Variants in PDE4B observed in about 807,000 individuals in gnomAD.
PDE4B encodes phosphodiesterase 4B, also known as 3',5'-cyclic-AMP phosphodiesterase 4B.
In PDE4B, 20 loss-of-function variants were observed where a neutral mutation model predicts 82.2. That is an observed-to-expected ratio of 0.24 (90% CI 0.17 to 0.35). The LOEUF (loss-of-function observed/expected upper bound fraction) is 0.35, where lower values mean the gene tolerates loss of function less well. Ranked by LOEUF, PDE4B falls within the 10% of genes least tolerant of loss-of-function variation. The pLI, the probability that PDE4B is intolerant of heterozygous loss-of-function variation, is 1.00. For synonymous variants in PDE4B, 320 were observed against 318.9 expected (o/e 1.00, Z -0.04); for missense variants, 655 against 907.2 (o/e 0.72, Z 3.57).
intron 3 of PDE4B, among the ~76,000 whole-genome samples, chr1:66,168,244 G>A (rs1277280871): frequency 1.3e-5 from 2 of 152,022 alleles, no homozygotes; most frequent in Admixed American, 6.6e-5. Context: ...ATAAAGCAGT[G>A]AAAAAATACA....
At chr1:66,369,181 C>G (rs1210961049) in intron 16 of PDE4B, among the ~76,000 whole-genome samples, 1 of 152,186 alleles carries the variant, frequency 6.6e-6, no homozygotes, top group Non-Finnish European at 1.5e-5. Context: ...AGAAACCCAT[C>G]AAAATTTGGA....
At chr1:65,879,386 CTAAG>C (rs1476977010) in intron 1 of PDE4B, among the ~76,000 whole-genome samples, 5 of 151,796 alleles carry the variant, frequency 3.3e-5, no homozygotes, top group African/African-American at 1.2e-4. Flanking sequence ...TAAGCTCCTG[CTAAG>C]TAATTGTGAC....
intron 3 of PDE4B, among the ~76,000 whole-genome samples, chr1:66,105,295 C>A (rs1645324099): frequency 6.6e-6 from 1 of 150,970 alleles, no homozygotes; most frequent in Admixed American, 6.6e-5. Flanking sequence ...TTCCATTGAT[C>A]TATATCTCTG....
chr1:66,208,209 G>A (rs1486517664), intron 3 of PDE4B, among the ~76,000 whole-genome samples: 1 of 151,846 alleles, frequency 6.6e-6, no homozygotes, highest in Non-Finnish European at 1.5e-5. Flanking sequence ...TCTTATAATT[G>A]TACCTTCTTG....
intron 3 of PDE4B, among the ~76,000 whole-genome samples, chr1:65,989,902 T>TTC (rs961173204): frequency 6.6e-6 from 1 of 151,918 alleles, no homozygotes; most frequent in Non-Finnish European, 1.5e-5. Flanking sequence ...CATTTTTTTT[T>TTC]TTTTGGCAGT....
chr1:66,104,890 G>A (rs1372640296), intron 3 of PDE4B, among the ~76,000 whole-genome samples: 1 of 144,688 alleles, frequency 6.9e-6, no homozygotes, highest in Non-Finnish European at 1.5e-5. Flanking sequence ...TTTGTAGGTT[G>A]CCTGTTCACT....
chr1:66,231,995 T>C (rs529838538), intron 3 of PDE4B, among the ~76,000 whole-genome samples: 8 of 152,312 alleles, frequency 5.3e-5, no homozygotes, highest in Admixed American at 2.6e-4. Context: ...GGGAATGAAA[T>C]TGGGGACTGT....
At chr1:65,928,308 G>A (rs555489607) in intron 3 of PDE4B, among the ~76,000 whole-genome samples, 9 of 152,194 alleles carry the variant, frequency 5.9e-5, no homozygotes, top group Admixed American at 2.6e-4. Flanking sequence ...TTGTCCATTC[G>A]ACCTAGAAGT....
At chr1:65,838,206 G>A (rs1646163555) in intron 1 of PDE4B, among the ~76,000 whole-genome samples, 1 of 151,998 alleles carries the variant, frequency 6.6e-6, no homozygotes, top group South Asian at 2.1e-4. Context: ...GAGTCCGTAA[G>A]AACGGACATT....
intron 7 of PDE4B, among the ~76,000 whole-genome samples, chr1:66,283,899 G>A (rs1267766812): frequency 1.3e-5 from 2 of 152,178 alleles, no homozygotes; most frequent in Non-Finnish European, 2.9e-5. Flanking sequence ...GAAAGAGAGA[G>A]AGAGAGATTC....
At position 65,918,787 on chromosome 1, in the gene PDE4B, C is replaced by T. The variant is rs2100477426; in HGVS notation, c.233C>T (p.Pro78Leu). Residue 78 changes from proline to leucine, a missense_variant, in exon 3 of 17, where the codon CCT becomes CTT. By Grantham distance (98) the Pro-to-Leu change is moderately conservative. Transcript: ENST00000341517. ...GGTATTTCCAGGCCGACCACACTGCCTTTGACAACGCTTCCAAGCATTGCT... is the reference window on the plus strand; with the variant it reads ...GGTATTTCCAGGCCGACCACACTGCTTTTGACAACGCTTCCAAGCATTGCT... Reference protein sequence around the residue: ...GDGISRPTTLPLTTLPSIAIT... With the variant: ...GDGISRPTTLLLTTLPSIAIT... 1 of 1,613,964 alleles carries T rather than the reference C, an allele frequency of 6.2e-7. No individual in the cohort carries two copies. The highest frequency in any genetic ancestry group is 1.1e-5 in the South Asian group (1 of 91,088).
intron 7 of PDE4B, among the ~76,000 whole-genome samples, chr1:66,289,154 G>C (rs1656889822): frequency 6.6e-6 from 1 of 152,138 alleles, no homozygotes; most frequent in South Asian, 2.1e-4. Flanking sequence ...TGTGATCTCA[G>C]CCTCTCAGGA....
chr1:65,887,411 T>C (rs1430817102), intron 1 of PDE4B, among the ~76,000 whole-genome samples: 3 of 53,512 alleles, frequency 5.6e-5, no homozygotes, highest in Non-Finnish European at 9.6e-5. Flanking sequence ...TTCTTTTTCT[T>C]CTGTTTTTTT....
At chr1:66,176,177 C>A (rs1031381847) in intron 3 of PDE4B, among the ~76,000 whole-genome samples, 4 of 152,192 alleles carry the variant, frequency 2.6e-5, no homozygotes, top group African/African-American at 9.6e-5. Context: ...GTTGACTCAA[C>A]AAAGGCAAGA....
intron 3 of PDE4B, among the ~76,000 whole-genome samples, chr1:66,228,890 T>C (rs939585737): frequency 2.1e-5 from 3 of 140,214 alleles, no homozygotes; most frequent in African/African-American, 7.4e-5. Context: ...TTCTCCTATG[T>C]TGTAAAGTCT....
chr1:65,920,482 G>T (rs1163946865), intron 3 of PDE4B, among the ~76,000 whole-genome samples: 2 of 152,196 alleles, frequency 1.3e-5, no homozygotes, highest in African/African-American at 2.4e-5. Context: ...GGGAGTTGTA[G>T]AATTGTTCCT....
intron 7 of PDE4B, among the ~76,000 whole-genome samples, chr1:66,286,895 C>A (rs751611839): frequency 6.6e-6 from 1 of 152,054 alleles, no homozygotes; most frequent in African/African-American, 2.4e-5. Context: ...AATGTATGCC[C>A]CCCCATGGTA....
At chr1:66,015,489 A>G (rs1336741116) in intron 3 of PDE4B, among the ~76,000 whole-genome samples, 1 of 152,108 alleles carries the variant, frequency 6.6e-6, no homozygotes, top group Non-Finnish European at 1.5e-5. Context: ...TTGGGTGTTT[A>G]TGGTCAGGGA....
intron 3 of PDE4B, among the ~76,000 whole-genome samples, chr1:66,176,945 A>C (rs1050070598): frequency 2.6e-5 from 4 of 152,234 alleles, no homozygotes; most frequent in Non-Finnish European, 4.4e-5. Context: ...AGTCCTTGCC[A>C]GGTTCCTGTC....
Sources: allele counts gnomAD v4.1 joint callset (sites outside exome capture counted in the v4.1 genomes callset), GRCh38; gene constraint gnomAD v4.1.1; transcripts MANE v1.5; gene names NCBI Gene and HGNC (gene_info 2026-07-23, HGNC 2026-07-21).